PPM1D: variants seen among roughly 807,000 people sequenced by gnomAD.
PPM1D encodes protein phosphatase 1D.
Under a neutral mutation model 58.3 loss-of-function variants are expected in PPM1D, and 52 were observed. The observed-to-expected ratio is 0.89, with a 90% CI of 0.71 to 1.12. The LOEUF (loss-of-function observed/expected upper bound fraction) is 1.12, where lower values mean the gene tolerates loss of function less well. Among genes scored for constraint, PPM1D ranks in the 50% most tolerant of loss-of-function variants. The pLI is 0.00. For missense variants in PPM1D, 564 were observed against 777.2 expected, an observed-to-expected ratio of 0.73 and a Z score of 3.26; for synonymous variants, 278 against 285.1, an observed-to-expected ratio of 0.98 and a Z score of 0.25.
intron 2 of PPM1D, among the ~76,000 whole-genome samples, chr17:60,627,994 G>A (rs927386433): frequency 6.6e-5 from 10 of 151,230 alleles, no homozygotes; most frequent in African/African-American, 2.4e-4. Context: ...CTCAGCCTCC[G>A]GAGTAGCTGG....
intron 1 of PPM1D, among the ~76,000 whole-genome samples, chr17:60,613,890 G>GCACCCC (rs1567965533): frequency 7.3e-6 from 1 of 137,368 alleles, no homozygotes; most frequent in African/African-American, 2.9e-5. Context: ...CATACCTGAG[G>GCACCCC]CCCCCCCCCC....
chr17:60,600,395 G>A lies in PPM1D; in HGVS notation c.-20G>A, dbSNP rs1319506874. 1.3e-6 allele frequency: 2 copies of A among 1,540,448 alleles called. No individual in the cohort carries two copies. Among genetic ancestry groups the A allele is most frequent in the East Asian group, 2.5e-5 (1 of 40,128 alleles). ...ATTCGGCGGGCTGCGTGGGACCGGCGGGATCCCGGCCAGCCGGCCATGGCG... is the reference window on the plus strand; with the variant it reads ...ATTCGGCGGGCTGCGTGGGACCGGCAGGATCCCGGCCAGCCGGCCATGGCG... On this transcript the variant is annotated 5_prime_UTR_variant, in exon 1 of 6. Transcript: ENST00000305921.
At chr17:60,608,946 A>G (rs1298657220) in intron 1 of PPM1D, among the ~76,000 whole-genome samples, 4 of 151,224 alleles carry the variant, frequency 2.6e-5, no homozygotes. Context: ...ACGGGGTTTC[A>G]CCGTGTTAGC....
chr17:60,635,224 T>G (rs899366364), intron 3 of PPM1D, among the ~76,000 whole-genome samples: 13 of 151,980 alleles, frequency 8.6e-5, no homozygotes, highest in Non-Finnish European at 1.5e-4. Context: ...ATGGGTTGTT[T>G]TTTTTTTTTA....
chr17:60,636,079 G>A (rs113569339), intron 3 of PPM1D, among the ~76,000 whole-genome samples: 15 of 152,178 alleles, frequency 9.9e-5, no homozygotes, highest in African/African-American at 3.4e-4. Context: ...TTGCTTTGCC[G>A]GCCTCTGCAT....
chr17:60,642,125 A>C (rs1414387849), intron 3 of PPM1D, among the ~76,000 whole-genome samples: 1 of 152,210 alleles, frequency 6.6e-6, no homozygotes, highest in Non-Finnish European at 1.5e-5. Context: ...TTGATATTAG[A>C]TAGAATCATA....
At chr17:60,600,966 C>G (rs2030196518) in intron 1 of PPM1D, 80 bp downstream of exon 1, 2 of 1,582,896 alleles carry the variant, frequency 1.3e-6, no homozygotes, top group Non-Finnish European at 8.6e-7. Flanking sequence ...CGCGTGGGCC[C>G]CCGGCACCCA....
intron 4 of PPM1D, among the ~76,000 whole-genome samples, chr17:60,649,498 T>C (rs2031306010): frequency 6.6e-6 from 1 of 151,908 alleles, no homozygotes; most frequent in Non-Finnish European, 1.5e-5. Context: ...GAGACCAGCC[T>C]GGCCAACATG....
At chr17:60,613,173 TTAAA>T (rs764233327) in intron 1 of PPM1D, among the ~76,000 whole-genome samples, 4 of 152,176 alleles carry the variant, frequency 2.6e-5, no homozygotes, top group Non-Finnish European at 5.9e-5. Context: ...AATAAACCCT[TTAAA>T]TAAGGGCTAA....
chr17:60,627,603 G>C (rs2030835876), intron 2 of PPM1D, among the ~76,000 whole-genome samples: 1 of 152,048 alleles, frequency 6.6e-6, no homozygotes, highest in Middle Eastern at 3.4e-3. Context: ...TGTATTTTTA[G>C]TAGAAACGGG....
chr17:60,602,185 TTTG>T (rs1460707202), intron 1 of PPM1D, among the ~76,000 whole-genome samples: 1 of 152,150 alleles, frequency 6.6e-6, no homozygotes, highest in Non-Finnish European at 1.5e-5. Flanking sequence ...ATGGATTTAT[TTTG>T]TTTTTGTGTA....
rs536970239 is a variant in PPM1D at position 60,658,225 on chromosome 17, T to C, written c.1260+1384T>C. Among the ~76,000 whole-genome samples the C allele has an allele frequency of 1.8e-3, 281 of 152,284 alleles. 1 individual carries two copies. Among genetic ancestry groups the C allele is most frequent in the African/African-American group, 4.8e-3 (199 of 41,566 alleles). On this transcript the variant is annotated intron_variant, in intron 5 of 5. Coordinates refer to ENST00000305921, the MANE Select transcript of PPM1D (RefSeq NM_003620.4). Reference sequence around the variant, plus strand: ...CCTTATAACTGACCTTTAGGCAGTATAGAGAAGGAGGAGACATTAGGGTGG... The same window carrying C: ...CCTTATAACTGACCTTTAGGCAGTACAGAGAAGGAGGAGACATTAGGGTGG...
Position 60,600,281 on chromosome 17 carries a change from T to C in PPM1D, c.-134T>C, listed in dbSNP as rs981673141. On this transcript the variant is annotated 5_prime_UTR_variant, in exon 1 of 6. Coordinates refer to ENST00000305921, the MANE Select transcript of PPM1D (RefSeq NM_003620.4). ...AGTCCAGACATCGCGCGCCCCCCCT[T>C]CTCCGGGTCCGCCCCCTCCCCCTTC... is the stretch of plus-strand genomic sequence containing the variant. 3.5e-5 allele frequency: 50 copies of C among 1,433,048 alleles called. No individual in the cohort carries two copies. The highest frequency in any genetic ancestry group is 4.1e-5 in the Non-Finnish European group (45 of 1,097,332). The allele number at this position is 1,433,048 out of a possible 1,614,324, so 88.8% of individuals were successfully genotyped here.
intron 1 of PPM1D, among the ~76,000 whole-genome samples, chr17:60,621,026 G>A (rs970435438): frequency 3.9e-5 from 6 of 151,936 alleles, no homozygotes; most frequent in African/African-American, 1.2e-4. Flanking sequence ...AGGTTCAAGC[G>A]ATTTGCCTGC....
intron 3 of PPM1D, among the ~76,000 whole-genome samples, chr17:60,637,243 T>C (rs781218876): frequency 1.3e-4 from 19 of 151,914 alleles, no homozygotes; most frequent in Admixed American, 6.6e-5. Flanking sequence ...TTTTTTCTTT[T>C]TCTTTCTTTC....
intron 2 of PPM1D, among the ~76,000 whole-genome samples, chr17:60,626,825 T>A (rs2030820063): frequency 1.3e-5 from 2 of 152,176 alleles, no homozygotes; most frequent in Non-Finnish European, 2.9e-5. Context: ...ATTACAGATG[T>A]GAGCCACGTG....
At chr17:60,661,416 C>T (rs2031524527) in intron 5 of PPM1D, among the ~76,000 whole-genome samples, 1 of 151,928 alleles carries the variant, frequency 6.6e-6, no homozygotes, top group African/African-American at 2.4e-5. Flanking sequence ...TGCTTTAACT[C>T]TGGACCTTGA....
chr17:60,650,178 C>T (rs1020432274), intron 4 of PPM1D, among the ~76,000 whole-genome samples: 1 of 152,138 alleles, frequency 6.6e-6, no homozygotes, highest in Non-Finnish European at 1.5e-5. Flanking sequence ...TAGGAAGCTT[C>T]ATGGAAGAGA....
chr17:60,624,561 C>A (rs543645689), intron 2 of PPM1D, among the ~76,000 whole-genome samples: 1 of 151,844 alleles, frequency 6.6e-6, no homozygotes, highest in Non-Finnish European at 1.5e-5. Context: ...CTGAGGCGGG[C>A]ACATCACCTG....
Sources: allele counts gnomAD v4.1 joint callset (sites outside exome capture counted in the v4.1 genomes callset), GRCh38; gene constraint gnomAD v4.1.1; transcripts MANE v1.5; gene names NCBI Gene and HGNC (gene_info 2026-07-23, HGNC 2026-07-21).